ABCF2: variants seen among roughly 807,000 people sequenced by gnomAD.
The protein encoded by ABCF2 is ATP-binding cassette sub-family F member 2.
In ABCF2, 37 loss-of-function variants were observed where a neutral mutation model predicts 76.9. The ratio of observed to expected loss-of-function variants is 0.48; its 90% CI spans 0.37 to 0.63. The LOEUF is 0.63. ABCF2 is among the 30% of genes least tolerant of loss of function. ABCF2 has a pLI of 0.00. For synonymous variants in ABCF2, 299 were observed against 283.7 expected (o/e 1.05, Z -0.54); for missense variants, 524 against 782.1 (o/e 0.67, Z 3.94).
intron 7 of ABCF2, among the ~76,000 whole-genome samples, chr7:151,220,391 A>G (rs1306386549): frequency 2.7e-5 from 4 of 150,788 alleles, no homozygotes; most frequent in Admixed American, 6.6e-5. Flanking sequence ...CCAGCTCAAA[A>G]AAAAAAAAAA....
chr7:151,217,795 A>G (rs541930203), intron 11 of ABCF2, among the ~76,000 whole-genome samples: 4 of 152,042 alleles, frequency 2.6e-5, no homozygotes, highest in Admixed American at 2.6e-4. Flanking sequence ...CCACCTCAAA[A>G]AAAAAAAAAG....
intron 7 of ABCF2, among the ~76,000 whole-genome samples, chr7:151,220,523 T>C (rs1003833083): frequency 2.6e-5 from 4 of 152,164 alleles, no homozygotes; most frequent in Non-Finnish European, 5.9e-5. Context: ...CCTATGACTA[T>C]GAATGAAGAG....
chr7:151,214,033 AC>A lies in ABCF2; in HGVS notation c.*20del, dbSNP rs1725772246. The A allele has an allele frequency of 1.2e-6, 2 of 1,611,156 alleles. No individual in the cohort carries two copies. The highest frequency in any genetic ancestry group is 1.7e-6 in the Non-Finnish European group (2 of 1,179,184). ...TGTTAGTTCCCAGATGGAGCTCCTG[AC>A]CCGAACCCAGGTAGAGGGCTCACAC... On this transcript the variant is annotated 3_prime_UTR_variant, in exon 15 of 15. Coordinates refer to ENST00000287844, the MANE Select transcript of ABCF2 (RefSeq NM_007189.3). The surrounding 1 kb of genome is among the most constrained non-coding windows in gnomAD (Gnocchi z 4.9).
At chr7:151,226,143 A>C (rs907085361) in intron 2 of ABCF2, among the ~76,000 whole-genome samples, 162 bp downstream of exon 2, 2 of 152,134 alleles carry the variant, frequency 1.3e-5, no homozygotes, top group Admixed American at 6.5e-5. Flanking sequence ...TTGCGCAATG[A>C]CAGGGTGGCA....
In ABCF2 at chr7:151,213,476, G is replaced by A; in HGVS notation, c.*578C>T. 2 of 985,756 alleles carry A rather than the reference G, an allele frequency of 2.0e-6. No individual in the cohort carries two copies. The highest frequency in any genetic ancestry group is 2.4e-6 in the Non-Finnish European group (2 of 830,196). The allele number at this position is 985,756 out of a possible 1,614,324, so 61.1% of individuals were successfully genotyped here. A position where few individuals can be genotyped will look rare whatever the true frequency, so the allele number is the denominator to read the frequency against. On this transcript the variant is annotated 3_prime_UTR_variant, in exon 15 of 15. Coordinates refer to ENST00000287844, the MANE Select transcript of ABCF2 (RefSeq NM_007189.3). Reference sequence around the variant, plus strand: ...CATGTTGGCACTGCAGGGAGGAGAAGGCCCCAGAGACCCGAGAAGGAAGGT... The same window carrying A: ...CATGTTGGCACTGCAGGGAGGAGAAAGCCCCAGAGACCCGAGAAGGAAGGT...
In ABCF2 at chr7:151,215,925, A is replaced by C. The variant is rs1164600106; in HGVS notation, c.1401+42T>G. 3 of 1,607,444 alleles carry C rather than the reference A, an allele frequency of 1.9e-6. No individual in the cohort carries two copies. The African/African-American group carries it at 4.0e-5, about 21-fold the overall frequency. ...ACTCAGCCAGATACAGCCCCTCCCT[A>C]TACCCTGGGCAATTCCCCGGATCCC... On this transcript the variant is annotated intron_variant, in intron 12 of 14. Coordinates refer to ENST00000287844, the MANE Select transcript of ABCF2 (RefSeq NM_007189.3). The surrounding 1 kb of genome is among the most constrained non-coding windows in gnomAD (Gnocchi z 4.6).
At chr7:151,226,260 TTAAG>T in intron 2 of ABCF2, 41 bp downstream of exon 2, 1 of 1,594,288 alleles carries the variant, frequency 6.3e-7, no homozygotes, top group Non-Finnish European at 8.6e-7. Flanking sequence ...GGGGCATGCA[TTAAG>T]TCTTAGCAAC....
chr7:151,225,324 T>C (rs770671580), intron 2 of ABCF2, among the ~76,000 whole-genome samples: 6 of 152,192 alleles, frequency 3.9e-5, no homozygotes, highest in Non-Finnish European at 5.9e-5. Context: ...TGCAGACTAA[T>C]TCTCCTTTCC....
At chr7:151,218,050 A>AG (rs1165552657) in intron 11 of ABCF2, 31 bp downstream of exon 11, 1 of 1,506,504 alleles carries the variant, frequency 6.6e-7, no homozygotes, top group African/African-American at 1.4e-5. Context: ...GCCTAATCTT[A>AG]GAGGGATCCA....
In ABCF2 at chr7:151,214,158, T is replaced by C. The variant is rs1802104903; in HGVS notation, c.1768A>G (p.Thr590Ala). The C allele has an allele frequency of 6.2e-7, 1 of 1,614,182 alleles. No individual in the cohort carries two copies. Among genetic ancestry groups the C allele is most frequent in the East Asian group, 2.2e-5 (1 of 44,878 alleles). The change falls in exon 15 of 15, where the codon ACA becomes GCA. Residue 590 changes from threonine (T) to alanine (A), a missense_variant. Physicochemically the swap from Thr to Ala is moderately conservative, Grantham distance 58. Coordinates refer to ENST00000287844, the MANE Select transcript of ABCF2 (RefSeq NM_007189.3). This position sits in a 1 kb window ranked among gnomAD's most constrained non-coding sequence, Gnocchi z 4.9. ...ATGTCTCCAGGCCACTTGGTGATTG[T>C]CTGCTTCTCACAGACCCAAATTTCC... ...AQEIWVCEKQ[T>A]ITKWPGDILA...
intron 11 of ABCF2, 132 bp downstream of exon 11, chr7:151,217,949 C>T (rs2150573526): frequency 1.5e-6 from 1 of 654,036 alleles, no homozygotes; most frequent in East Asian, 2.6e-5. Flanking sequence ...GCTGCTCCAC[C>T]CCTCCAGATG....
At chr7:151,224,648 G>T in intron 3 of ABCF2, 128 bp downstream of exon 3, 1 of 837,930 alleles carries the variant, frequency 1.2e-6, no homozygotes, top group Non-Finnish European at 2.0e-6. Context: ...CTTTCCCCTG[G>T]ACATAATCTG....
At position 151,213,657 on chromosome 7, in the gene ABCF2, T is replaced by C. The variant is rs1386572171; in HGVS notation, c.*397A>G. On this transcript the variant is annotated 3_prime_UTR_variant, in exon 15 of 15. Transcript: ENST00000287844. Reference sequence around the variant, plus strand: ...GCAAAAAGGAATCGGGGCGGTGGGCTGGGGGGTACTCCTCCAACATCACCA... The same window carrying C: ...GCAAAAAGGAATCGGGGCGGTGGGCCGGGGGGTACTCCTCCAACATCACCA... 3.0e-6 allele frequency: 3 copies of C among 1,009,248 alleles called. No homozygotes were observed. The highest frequency in any genetic ancestry group is 2.1e-4 in the East Asian group (2 of 9,528). 62.5% of individuals were successfully genotyped at this position (1,009,248 alleles called of 1,614,324 possible).
rs1001022204 is a variant in ABCF2, at chr7:151,212,767, A to G, written c.*1287T>C. ...TGGCCTCCCAAGGTGATGAGCTTAC[A>G]GTCGGATTACAGGTGTGAGCCACTG... On this transcript the variant is annotated 3_prime_UTR_variant, in exon 15 of 15. Transcript: ENST00000287844. 6.4e-6 allele frequency: 1 copy of G among 155,522 alleles called. No homozygotes were observed. The highest frequency in any genetic ancestry group is 2.4e-5 in the African/African-American group (1 of 41,510). The allele number at this position is 155,522 out of a possible 1,614,324, so 9.6% of individuals were successfully genotyped here. A position where few individuals can be genotyped will look rare whatever the true frequency, so the allele number is the denominator to read the frequency against.
chr7:151,224,483 T>C (rs990080154), intron 3 of ABCF2, among the ~76,000 whole-genome samples: 1 of 152,186 alleles, frequency 6.6e-6, no homozygotes, highest in Non-Finnish European at 1.5e-5. Flanking sequence ...TTAAAGGAAA[T>C]GCTCACTGGA....
At position 151,214,161 on chromosome 7, in the gene ABCF2, G is replaced by C. The variant is rs754889751; in HGVS notation, c.1765C>G (p.Gln589Glu). Residue 589 changes from glutamine to glutamate, a missense_variant, in exon 15 of 15, where the codon CAG (glutamine) becomes GAG (glutamate). Coordinates refer to ENST00000287844, the MANE Select transcript of ABCF2 (RefSeq NM_007189.3). This position sits in a 1 kb window ranked among gnomAD's most constrained non-coding sequence, Gnocchi z 4.9. ...TCTCCAGGCCACTTGGTGATTGTCT[G>C]CTTCTCACAGACCCAAATTTCCTGT... ...VAQEIWVCEK[Q>E]TITKWPGDIL... The C allele has an allele frequency of 3.7e-6, 6 of 1,614,178 alleles. No individual in the cohort carries two copies. The Admixed American group carries it at 5.0e-5, about 13-fold the overall frequency.
chr7:151,224,444 C>A (rs1207022600), intron 3 of ABCF2, among the ~76,000 whole-genome samples: 1 of 152,130 alleles, frequency 6.6e-6, no homozygotes, highest in Non-Finnish European at 1.5e-5. Context: ...GCTCCAAAAT[C>A]CAAAACCTTT....
At chr7:151,220,520 C>T (rs1237295623) in intron 7 of ABCF2, among the ~76,000 whole-genome samples, 1 of 151,972 alleles carries the variant, frequency 6.6e-6, no homozygotes, top group African/African-American at 2.4e-5. Flanking sequence ...ACTCCTATGA[C>T]TATGAATGAA....
chr7:151,221,367 T>A (rs1802263830), intron 7 of ABCF2, among the ~76,000 whole-genome samples: 1 of 151,836 alleles, frequency 6.6e-6, no homozygotes, highest in Non-Finnish European at 1.5e-5. Flanking sequence ...GCCTGGCTAA[T>A]TTTTTTGTAT....
Sources: gnomAD v4.1 joint callset for allele counts (sites outside exome capture counted in the v4.1 genomes callset) on GRCh38, gnomAD v4.1.1 for gene constraint, Gnocchi (gnomAD v3.1) non-coding constraint, MANE v1.5 for transcripts, NCBI Gene and HGNC (gene_info 2026-07-23, HGNC 2026-07-21) for gene names.